The following ATE1 variants were observed in gnomAD, a reference collection of about 807,000 sequenced individuals.
ATE1 encodes the protein arginyltransferase 1.
In ATE1, 36 loss-of-function variants were observed where a neutral mutation model predicts 70.5. That is an observed-to-expected ratio of 0.51 (90% confidence interval 0.39 to 0.67). ATE1 has a LOEUF of 0.67. Among genes scored for constraint, ATE1 ranks in the 30% least tolerant of loss-of-function variants. The probability of loss-of-function intolerance (pLI) is 0.00; values close to 1 mark genes in which losing one functional copy is unlikely to be tolerated. For missense variants in ATE1, 593 were observed against 629.5 expected (o/e 0.94, Z 0.62); for synonymous variants, 232 against 219.3 (o/e 1.06, Z -0.51).
intron 7 of ATE1, chr10:121,898,864 G>A (rs746069690): frequency 5.6e-6 from 9 of 1,613,836 alleles, no homozygotes; most frequent in Non-Finnish European, 7.6e-6. Context: ...CATTCATCGG[G>A]TGGATCCTGG....
intron 8 of ATE1, among the ~76,000 whole-genome samples, chr10:121,857,165 C>T (rs553240817): frequency 6.6e-5 from 10 of 152,190 alleles, no homozygotes; most frequent in South Asian, 2.1e-4. Context: ...GTTTGTTACA[C>T]GGGTATGTTG....
In ATE1 at chr10:121,888,352, C is replaced by T. The variant is rs965534681; in HGVS notation, c.942+11514G>A. On this transcript the variant is annotated intron_variant, in intron 7 of 11. Transcript: ENST00000224652. ...GAGCTTGCAGTGAGCCGAAATCACG[C>T]GACTGCACTCCAGCCTGGGCGACAG... Among the ~76,000 whole-genome samples the T allele has an allele frequency of 1.2e-4, 19 of 152,138 alleles. No homozygotes were observed. The East Asian group carries it at 2.3e-3, about 19-fold the overall frequency.
At chr10:121,791,619 T>C (rs543331152) in intron 10 of ATE1, among the ~76,000 whole-genome samples, 1 of 152,336 alleles carries the variant, frequency 6.6e-6, no homozygotes, top group South Asian at 2.1e-4. Context: ...ATTATAGAGG[T>C]TAAAATCTAG....
chr10:121,743,663 C>A lies in ATE1; in HGVS notation c.*17G>T. Reference sequence around the variant, plus strand: ...TCATCAGCACAACACAGGAACTTCCCGGCAGAGGTGAACAGGTCAGTTTCT... The same window carrying A: ...TCATCAGCACAACACAGGAACTTCCAGGCAGAGGTGAACAGGTCAGTTTCT... On this transcript the variant is annotated 3_prime_UTR_variant, in exon 12 of 12. Transcript: ENST00000224652. The A allele has an allele frequency of 1.3e-6, 2 of 1,586,650 alleles. No homozygotes were observed. Among genetic ancestry groups the A allele is most frequent in the South Asian group, 1.2e-5 (1 of 86,564 alleles).
At chr10:121,777,122 T>A (rs1266795695) in intron 11 of ATE1, among the ~76,000 whole-genome samples, 4 of 152,226 alleles carry the variant, frequency 2.6e-5, no homozygotes, top group African/African-American at 9.6e-5. Context: ...CCACTTCACA[T>A]ACAGTGAAAC....
At chr10:121,845,602 C>T (rs948367777) in intron 8 of ATE1, among the ~76,000 whole-genome samples, 2 of 152,096 alleles carry the variant, frequency 1.3e-5, no homozygotes, top group Non-Finnish European at 1.5e-5. Flanking sequence ...ACCTAAGCAC[C>T]GTATCCTACT....
intron 11 of ATE1, among the ~76,000 whole-genome samples, chr10:121,782,163 T>A (rs540520579): frequency 6.6e-6 from 1 of 152,238 alleles, no homozygotes; most frequent in Non-Finnish European, 1.5e-5. Flanking sequence ...ATTATGTCTG[T>A]CTGCGAGTCA....
intron 8 of ATE1, among the ~76,000 whole-genome samples, chr10:121,859,793 T>C (rs1949403791): frequency 6.6e-6 from 1 of 151,884 alleles, no homozygotes; most frequent in Admixed American, 6.6e-5. Flanking sequence ...AATACAAAAA[T>C]TAGCCAGGCA....
chr10:121,850,657 G>C (rs982199787), intron 8 of ATE1, among the ~76,000 whole-genome samples: 1 of 152,216 alleles, frequency 6.6e-6, no homozygotes, highest in African/African-American at 2.4e-5. Context: ...ACAGGTAGAA[G>C]AGGAGCCTGC....
intron 10 of ATE1, among the ~76,000 whole-genome samples, chr10:121,829,728 A>AT (rs1948164674): frequency 6.6e-6 from 1 of 152,038 alleles, no homozygotes; most frequent in Non-Finnish European, 1.5e-5. Context: ...GAAAAAAAAA[A>AT]GAAAGAAAAA....
intron 10 of ATE1, among the ~76,000 whole-genome samples, chr10:121,806,244 G>A (rs534246081): frequency 1.3e-5 from 2 of 152,248 alleles, no homozygotes; most frequent in Non-Finnish European, 1.5e-5. Flanking sequence ...TTAAGCTCAG[G>A]AGTTCGAGAC....
intron 6 of ATE1, among the ~76,000 whole-genome samples, chr10:121,901,423 A>G (rs1176975239): frequency 6.6e-6 from 1 of 152,214 alleles, no homozygotes; most frequent in African/African-American, 2.4e-5. Flanking sequence ...GTTACTAATC[A>G]CATATGAGAA....
chr10:121,909,231 C>A (rs781254581), intron 5 of ATE1, among the ~76,000 whole-genome samples: 19 of 152,114 alleles, frequency 1.2e-4, no homozygotes, highest in Non-Finnish European at 2.4e-4. Context: ...TCAAGCAATC[C>A]ACCTGCCTCG....
At chr10:121,851,699 A>G (rs1949063228) in intron 8 of ATE1, among the ~76,000 whole-genome samples, 1 of 152,256 alleles carries the variant, frequency 6.6e-6, no homozygotes, top group Non-Finnish European at 1.5e-5. Context: ...TCATGTGACT[A>G]GCAAAATTTA....
chr10:121,898,462 T>C (rs549595214), intron 7 of ATE1, among the ~76,000 whole-genome samples: 1 of 152,322 alleles, frequency 6.6e-6, no homozygotes, highest in African/African-American at 2.4e-5. Flanking sequence ...ATTCACTTGT[T>C]GTTAAGGTAT....
chr10:121,747,011 C>A (rs987260159), intron 11 of ATE1, among the ~76,000 whole-genome samples: 1 of 152,186 alleles, frequency 6.6e-6, no homozygotes, highest in East Asian at 1.9e-4. Flanking sequence ...AGGTTTGTAG[C>A]AGGAGATACA....
At chr10:121,744,550 A>G (rs531084691) in intron 11 of ATE1, among the ~76,000 whole-genome samples, 1 of 152,220 alleles carries the variant, frequency 6.6e-6, no homozygotes, top group East Asian at 1.9e-4. Context: ...GTACCAACAT[A>G]TTATCTGAAG....
chr10:121,890,039 G>A (rs754969326), intron 7 of ATE1, among the ~76,000 whole-genome samples: 16 of 152,172 alleles, frequency 1.1e-4, no homozygotes, highest in South Asian at 2.1e-4. Context: ...TAACAAAGTT[G>A]TTAACAACTT....
intron 8 of ATE1, among the ~76,000 whole-genome samples, chr10:121,867,882 T>C (rs964544785): frequency 1.3e-5 from 2 of 152,260 alleles, no homozygotes; most frequent in Non-Finnish European, 2.9e-5. Flanking sequence ...ATAATTTATT[T>C]GACGTGTTCC....
Sources: gnomAD v4.1 joint callset for allele counts (sites outside exome capture counted in the v4.1 genomes callset) on GRCh38, gnomAD v4.1.1 for gene constraint, MANE v1.5 for transcripts, NCBI Gene and HGNC (gene_info 2026-07-23, HGNC 2026-07-21) for gene names.